ASTN2: variants seen among roughly 807,000 people sequenced by gnomAD.
ASTN2 encodes the protein astrotactin-2.
ASTN2 carries 54 observed loss-of-function variants against 139.8 expected under a neutral mutation model. The observed-to-expected ratio is 0.39, with a 90% CI of 0.31 to 0.48. The LOEUF is 0.48. Among genes scored for constraint, ASTN2 ranks in the 20% least tolerant of loss-of-function variants. The pLI is 0.95. For missense variants in ASTN2, 1,565 were observed against 1,725.1 expected (o/e 0.91, Z 1.64); for synonymous variants, 756 against 719.5 (o/e 1.05, Z -0.81).
intron 10 of ASTN2, among the ~76,000 whole-genome samples, chr9:116,931,807 G>A (rs1201357613): frequency 6.6e-6 from 1 of 152,162 alleles, no homozygotes; most frequent in Non-Finnish European, 1.5e-5. Flanking sequence ...GAGTGATGGT[G>A]GTGTGGGGTT....
At chr9:117,202,084 C>A (rs570889900) in intron 3 of ASTN2, among the ~76,000 whole-genome samples, 1 of 152,208 alleles carries the variant, frequency 6.6e-6, no homozygotes, top group East Asian at 1.9e-4. Flanking sequence ...TTCCTGTTAC[C>A]ATTATGTAAT....
intron 11 of ASTN2, among the ~76,000 whole-genome samples, chr9:116,855,889 G>A (rs959381940): frequency 2.0e-5 from 3 of 152,062 alleles, no homozygotes; most frequent in African/African-American, 7.2e-5. Context: ...CTATATATCC[G>A]TATCAGTAAT....
At chr9:117,248,968 T>G (rs546506314) in intron 2 of ASTN2, among the ~76,000 whole-genome samples, 3 of 152,200 alleles carry the variant, frequency 2.0e-5, no homozygotes, top group African/African-American at 7.2e-5. Flanking sequence ...TTTCCACATA[T>G]GTACAATGGG....
At chr9:116,745,334 C>G (rs116806013) in intron 13 of ASTN2, among the ~76,000 whole-genome samples, 2,494 of 152,310 alleles carry the variant, frequency 0.016, 75 homozygotes, top group African/African-American at 0.057. Context: ...GAACTGTGAA[C>G]TCCTTCCAGG....
intron 2 of ASTN2, among the ~76,000 whole-genome samples, chr9:117,215,336 A>G (rs1326499601): frequency 6.6e-6 from 1 of 152,046 alleles, no homozygotes; most frequent in South Asian, 2.1e-4. Flanking sequence ...TTTTTCAGAA[A>G]CACCAGTCTT....
At chr9:116,470,839 G>A (rs1185537931) in intron 20 of ASTN2, among the ~76,000 whole-genome samples, 1 of 152,090 alleles carries the variant, frequency 6.6e-6, no homozygotes, top group African/African-American at 2.4e-5. Context: ...TCTAAAAATG[G>A]CATATTTCAT....
chr9:116,647,541 G>T (rs1857658611), intron 17 of ASTN2, among the ~76,000 whole-genome samples: 1 of 152,196 alleles, frequency 6.6e-6, no homozygotes, highest in Non-Finnish European at 1.5e-5. Context: ...TCCAGACATA[G>T]GGGAATCTGG....
chr9:116,963,665 A>T (rs2132506987), intron 10 of ASTN2, among the ~76,000 whole-genome samples: 1 of 152,190 alleles, frequency 6.6e-6, no homozygotes, highest in Non-Finnish European at 1.5e-5. Context: ...GGTAGGATGA[A>T]AGAACTTGGG....
chr9:116,528,213 G>A (rs1851176290), intron 19 of ASTN2, among the ~76,000 whole-genome samples: 1 of 152,186 alleles, frequency 6.6e-6, no homozygotes, highest in African/African-American at 2.4e-5. Flanking sequence ...TCCAGGTTGA[G>A]GTGGTCTCAG....
At chr9:116,678,896 A>G (rs953277224) in intron 16 of ASTN2, among the ~76,000 whole-genome samples, 1 of 152,226 alleles carries the variant, frequency 6.6e-6, no homozygotes, top group East Asian at 1.9e-4. Flanking sequence ...TATTTTAAAA[A>G]GTAGTTTTAA....
intron 3 of ASTN2, among the ~76,000 whole-genome samples, chr9:117,204,775 A>G (rs959230522): frequency 1.3e-5 from 2 of 152,218 alleles, no homozygotes; most frequent in South Asian, 4.1e-4. Flanking sequence ...AACAACAACA[A>G]AAAGAAAATA....
At chr9:116,880,537 G>C (rs34970913) in intron 10 of ASTN2, among the ~76,000 whole-genome samples, 38,322 of 152,100 alleles carry the variant, frequency 0.25, 5,758 homozygotes, top group Non-Finnish European at 0.34. Context: ...AGCTTTCAGG[G>C]GTTTGCCCTT....
chr9:117,357,308 T>C (rs1476059108), intron 1 of ASTN2, among the ~76,000 whole-genome samples: 1 of 152,154 alleles, frequency 6.6e-6, no homozygotes, highest in Admixed American at 6.5e-5. Context: ...AATTTCGTAA[T>C]GTTTTTATTA....
intron 17 of ASTN2, among the ~76,000 whole-genome samples, chr9:116,646,265 G>T (rs1857585102): frequency 6.6e-6 from 1 of 152,122 alleles, no homozygotes; most frequent in African/African-American, 2.4e-5. Flanking sequence ...GTTCTGTTTT[G>T]TTCTTTGTTT....
chr9:117,282,522 G>A (rs1834348644), intron 2 of ASTN2, among the ~76,000 whole-genome samples: 2 of 152,156 alleles, frequency 1.3e-5, no homozygotes, highest in Non-Finnish European at 2.9e-5. Context: ...CATGAAGGTG[G>A]GGTACATTCT....
intron 16 of ASTN2, among the ~76,000 whole-genome samples, chr9:116,668,195 C>CA (rs1222357991): frequency 7.3e-6 from 1 of 137,492 alleles, no homozygotes; most frequent in African/African-American, 2.7e-5. Flanking sequence ...TTCAGATTGG[C>CA]TTTTTTTTTT....
At chr9:116,427,559 C>T (rs1218058593) in intron 22 of ASTN2, among the ~76,000 whole-genome samples, 1 of 152,250 alleles carries the variant, frequency 6.6e-6, no homozygotes, top group African/African-American at 2.4e-5. Context: ...GTTCTCTCTC[C>T]TGCTGTCCTC....
At chr9:116,714,575 A>G (rs914651247) in intron 16 of ASTN2, among the ~76,000 whole-genome samples, 3 of 152,228 alleles carry the variant, frequency 2.0e-5, no homozygotes, top group African/African-American at 7.2e-5. Context: ...AATTATACCC[A>G]TGTTAAAGAT....
intron 16 of ASTN2, among the ~76,000 whole-genome samples, chr9:116,714,113 C>T (rs1828246319): frequency 6.6e-6 from 1 of 152,190 alleles, no homozygotes; most frequent in African/African-American, 2.4e-5. Context: ...TTCCAACACA[C>T]ATATACGCAC....
Sources: allele counts gnomAD v4.1 joint callset (sites outside exome capture counted in the v4.1 genomes callset), GRCh38; gene constraint gnomAD v4.1.1; transcripts MANE v1.5; gene names NCBI Gene and HGNC (gene_info 2026-07-23, HGNC 2026-07-21).